RBPMS: variants seen among roughly 807,000 people sequenced by gnomAD.
RBPMS encodes the protein RNA binding protein, mRNA processing factor.
RBPMS carries 7 observed loss-of-function variants against 26.8 expected under a neutral mutation model. The observed-to-expected ratio is 0.26, with a 90% CI of 0.15 to 0.49. The LOEUF (loss-of-function observed/expected upper bound fraction) is 0.49, where lower values mean the gene tolerates loss of function less well. RBPMS is among the 20% of genes least tolerant of loss of function. The probability of loss-of-function intolerance (pLI) is 0.98; values close to 1 mark genes in which losing one functional copy is unlikely to be tolerated. For missense variants in RBPMS, 186 were observed against 250.0 expected (o/e 0.74, Z 1.73); for synonymous variants, 96 against 93.3 (o/e 1.03, Z -0.17).
At chr8:30,505,004 C>CT (rs1378112153) in intron 5 of RBPMS, among the ~76,000 whole-genome samples, 1 of 152,194 alleles carries the variant, frequency 6.6e-6, no homozygotes, top group Non-Finnish European at 1.5e-5. Context: ...TCTTTTCCAA[C>CT]TTAATTGGAT....
chr8:30,547,819 C>T (rs1825991831), intron 6 of RBPMS, among the ~76,000 whole-genome samples: 1 of 152,166 alleles, frequency 6.6e-6, no homozygotes, highest in African/African-American at 2.4e-5. Flanking sequence ...CCCTGTGAAA[C>T]GTGTGGGTGC....
intron 1 of RBPMS, among the ~76,000 whole-genome samples, chr8:30,453,178 A>G (rs1196942234): frequency 1.3e-5 from 2 of 152,172 alleles, no homozygotes; most frequent in Non-Finnish European, 1.5e-5. Context: ...TTAAATAGCC[A>G]TCATACTCTC....
chr8:30,434,800 C>CAA (rs973204716), intron 1 of RBPMS, among the ~76,000 whole-genome samples: 4 of 151,286 alleles, frequency 2.6e-5, no homozygotes, highest in African/African-American at 9.7e-5. Context: ...CACACACACA[C>CAA]ATTTAGTTCT....
At chr8:30,531,162 C>G (rs1824187708) in intron 5 of RBPMS, among the ~76,000 whole-genome samples, 1 of 151,958 alleles carries the variant, frequency 6.6e-6, no homozygotes, top group Non-Finnish European at 1.5e-5. Flanking sequence ...TTTATATGAC[C>G]ATCTTCTTAA....
chr8:30,558,170 T>TC (rs1224313374), intron 6 of RBPMS: 1 of 152,464 alleles, frequency 6.6e-6, no homozygotes, highest in African/African-American at 2.4e-5. Flanking sequence ...ATTTTTTTTT[T>TC]TCATGTTTTC....
chr8:30,453,513 T>A (rs1272381749), intron 1 of RBPMS: 2 of 152,210 alleles, frequency 1.3e-5, no homozygotes, highest in African/African-American at 4.8e-5. Flanking sequence ...CTCAGAAGAA[T>A]TGTTCTCTTA....
rs1263886141 is a variant in RBPMS at position 30,541,124 on chromosome 8, C to T, written c.398-3370C>T. Among the ~76,000 whole-genome samples the T allele has an allele frequency of 5.2e-4, 79 of 152,178 alleles. 1 individual carries two copies. Among genetic ancestry groups the T allele is most frequent in the Non-Finnish European group, 4.4e-5 (3 of 68,034 alleles). The stretch of plus-strand genomic sequence containing the variant: ...CATACTTAAGTCCATTAAAGATTCT[C>T]CTTGTTCTTCCATCTCTCAGTTGTT... On this transcript the variant is annotated intron_variant, in intron 5 of 8. Coordinates refer to ENST00000397323, the MANE Select transcript of RBPMS (RefSeq NM_001008710.3).
At chr8:30,522,314 C>T (rs993824665) in intron 5 of RBPMS, among the ~76,000 whole-genome samples, 1 of 150,574 alleles carries the variant, frequency 6.6e-6, no homozygotes, top group African/African-American at 2.5e-5. Context: ...AAGAAAGAAA[C>T]TCCACCTCAA....
chr8:30,447,795 C>T (rs780324291), intron 1 of RBPMS, among the ~76,000 whole-genome samples: 115 of 152,014 alleles, frequency 7.6e-4, no homozygotes, highest in Admixed American at 3.1e-3. Flanking sequence ...GAATCTTAGA[C>T]TTTATATCAG....
In RBPMS at chr8:30,391,640, G is replaced by A. The variant is rs1411440873; in HGVS notation, c.66+6482G>A. Among the ~76,000 whole-genome samples the A allele has an allele frequency of 2.6e-5, 4 of 152,100 alleles. No homozygotes were observed. In the East Asian group the frequency reaches 7.7e-4, roughly 29 times the overall value. ...GGGGATGAGCTTATTTGTCATATGGGGATAACTCCTCACACTCACATCCCT... is the reference window on the plus strand; with the variant it reads ...GGGGATGAGCTTATTTGTCATATGGAGATAACTCCTCACACTCACATCCCT... On this transcript the variant is annotated intron_variant, in intron 1 of 8. Transcript: ENST00000397323.
At chr8:30,448,952 G>A (rs1814203265) in intron 1 of RBPMS, among the ~76,000 whole-genome samples, 1 of 152,208 alleles carries the variant, frequency 6.6e-6, no homozygotes, top group Admixed American at 6.5e-5. Context: ...TTTAACTGCT[G>A]TCCTGGCTAG....
At chr8:30,537,013 AG>A (rs1192522197) in intron 5 of RBPMS, among the ~76,000 whole-genome samples, 56 of 152,220 alleles carry the variant, frequency 3.7e-4, no homozygotes, top group African/African-American at 1.3e-3. Context: ...GCCAGGGAAT[AG>A]ACTTTCCTGG....
At chr8:30,417,477 C>A (rs1810231310) in intron 1 of RBPMS, among the ~76,000 whole-genome samples, 1 of 152,160 alleles carries the variant, frequency 6.6e-6, no homozygotes, top group Non-Finnish European at 1.5e-5. Flanking sequence ...GTCATCATGT[C>A]ATCTCATTTT....
chr8:30,418,193 T>G (rs1396750224), intron 1 of RBPMS, among the ~76,000 whole-genome samples: 1 of 152,238 alleles, frequency 6.6e-6, no homozygotes, highest in African/African-American at 2.4e-5. Flanking sequence ...CATCAATTTA[T>G]AGTCCCATCT....
At chr8:30,440,846 T>G (rs1812990825) in intron 1 of RBPMS, among the ~76,000 whole-genome samples, 1 of 151,188 alleles carries the variant, frequency 6.6e-6, no homozygotes. Flanking sequence ...CAGGGTGGGG[T>G]GCAGTGCCAT....
chr8:30,510,227 CTGA>C (rs1307412770), intron 5 of RBPMS, among the ~76,000 whole-genome samples: 7 of 152,148 alleles, frequency 4.6e-5, no homozygotes, highest in Non-Finnish European at 1.0e-4. Context: ...TCTCTTAACT[CTGA>C]TGTCTCGAGT....
chr8:30,491,893 A>T (rs1248966332), intron 4 of RBPMS, among the ~76,000 whole-genome samples: 3 of 151,784 alleles, frequency 2.0e-5, no homozygotes, highest in Non-Finnish European at 4.4e-5. Context: ...AGACACAGAC[A>T]CCCCCACCCC....
At chr8:30,540,574 C>G (rs2151035289) in intron 5 of RBPMS, among the ~76,000 whole-genome samples, 1 of 152,200 alleles carries the variant, frequency 6.6e-6, no homozygotes, top group East Asian at 1.9e-4. Context: ...TAAAGGCATG[C>G]ACCGCCAGGC....
intron 1 of RBPMS, among the ~76,000 whole-genome samples, chr8:30,455,084 A>G (rs188543951): frequency 4.5e-4 from 68 of 152,336 alleles, no homozygotes; most frequent in Non-Finnish European, 1.6e-4. Flanking sequence ...TGGCCTCCCA[A>G]AGTGTTAGGA....
Sources: allele counts gnomAD v4.1 joint callset (sites outside exome capture counted in the v4.1 genomes callset), GRCh38; gene constraint gnomAD v4.1.1; transcripts MANE v1.5; gene names NCBI Gene and HGNC (gene_info 2026-07-23, HGNC 2026-07-21).